SMG9: variants seen among roughly 807,000 people sequenced by gnomAD.
The protein encoded by SMG9 is SMG9 nonsense mediated mRNA decay factor.
In SMG9, 55 loss-of-function variants were observed where a neutral mutation model predicts 64.0. That is an observed-to-expected ratio of 0.86 (90% CI 0.69 to 1.08). The LOEUF (loss-of-function observed/expected upper bound fraction) is 1.08, where lower values mean the gene tolerates loss of function less well. Among genes scored for constraint, SMG9 ranks in the 50% least tolerant of loss-of-function variants. SMG9 has a pLI of 0.00. For synonymous variants in SMG9, 244 were observed against 254.8 expected, an observed-to-expected ratio of 0.96 and a Z score of 0.41; for missense variants, 554 against 681.3, an observed-to-expected ratio of 0.81 and a Z score of 2.08.
At chr19:43,740,341 C>T in intron 6 of SMG9, 123 bp from the exon 7 acceptor site, 1 of 709,626 alleles carries the variant, frequency 1.4e-6, no homozygotes, top group Non-Finnish European at 2.5e-6. Context: ...CTAAGCTTTT[C>T]ATCTGTGGCC....
intron 7 of SMG9, among the ~76,000 whole-genome samples, chr19:43,739,466 A>G (rs1968778590): frequency 6.6e-6 from 1 of 152,180 alleles, no homozygotes; most frequent in Non-Finnish European, 1.5e-5. Context: ...AAGTCCAGAG[A>G]AGAGAGAGAT....
Position 43,742,308 on chromosome 19 carries a change from A to G in SMG9, c.702-2090T>C, listed in dbSNP as rs541536845. Reference sequence around the variant, plus strand: ...AAAAATTAGTTGGGCATGGTGGTGCATACCTGTGGTTCCCAGCTACTCATA... The same window carrying G: ...AAAAATTAGTTGGGCATGGTGGTGCGTACCTGTGGTTCCCAGCTACTCATA... On this transcript the variant is annotated intron_variant, in intron 6 of 13. Coordinates refer to ENST00000270066, the MANE Select transcript of SMG9 (RefSeq NM_019108.4). Among the ~76,000 whole-genome samples the G allele has an allele frequency of 7.2e-5, 11 of 151,984 alleles. 1 individual carries two copies. In the East Asian group the frequency reaches 1.8e-3, roughly 24 times the overall value.
Position 43,731,131 on chromosome 19 carries a change from G to A in SMG9, c.*465C>T. ...CCAGAGCTGCATGGTGGGTAGAGGA[G>A]TAAGTGGAACATAAGAACAGGCTTG... On this transcript the variant is annotated 3_prime_UTR_variant, in exon 14 of 14. Coordinates refer to ENST00000270066, the MANE Select transcript of SMG9 (RefSeq NM_019108.4). The A allele has an allele frequency of 7.1e-6, 7 of 988,582 alleles. No individual in the cohort carries two copies. Among genetic ancestry groups the A allele is most frequent in the Non-Finnish European group, 8.4e-6 (7 of 832,054 alleles). 61.2% of individuals were successfully genotyped at this position (988,582 alleles called of 1,614,324 possible).
Position 43,733,487 on chromosome 19 carries a change from T to C in SMG9, c.1211-35A>G, listed in dbSNP as rs767941382. Reference sequence around the variant, plus strand: ...AAAACGCTTCAGCCTTCAGGTACCATGTTGTGGGTTTGGGGAGTGGGAATT... The same window carrying C: ...AAAACGCTTCAGCCTTCAGGTACCACGTTGTGGGTTTGGGGAGTGGGAATT... On this transcript the variant is annotated intron_variant, in intron 11 of 13. Coordinates refer to ENST00000270066, the MANE Select transcript of SMG9 (RefSeq NM_019108.4). 5 of 1,613,306 alleles carry C rather than the reference T, an allele frequency of 3.1e-6. No individual in the cohort carries two copies. The South Asian group carries it at 3.3e-5, about 11-fold the overall frequency.
chr19:43,747,952 C>T lies in SMG9; in HGVS notation c.225+26G>A, dbSNP rs199978110. ...GGGGCAATCCCTTCCCTAACGGCTC[C>T]CCCTCCTCCCTCCTTCTCTGCTCAC... On this transcript the variant is annotated intron_variant, in intron 3 of 13. Transcript: ENST00000270066. 1,536 of 1,614,148 alleles carry T rather than the reference C, an allele frequency of 9.5e-4. 22 individuals are homozygous for T. In the African/African-American group the frequency reaches 0.019, roughly 20 times the overall value.
rs1221726524 is a variant in SMG9 at position 43,735,696 on chromosome 19, C to A, written c.996-1201G>T. Reference sequence around the variant, plus strand: ...TATGTTATTTTAAAATAATTTTTTACAATAGGTTAAGAGTACATAAACCTG... The same window carrying A: ...TATGTTATTTTAAAATAATTTTTTAAAATAGGTTAAGAGTACATAAACCTG... On this transcript the variant is annotated intron_variant, in intron 9 of 13. Coordinates refer to ENST00000270066, the MANE Select transcript of SMG9 (RefSeq NM_019108.4). 3.4e-5 allele frequency among the ~76,000 whole-genome samples: 5 copies of A among 144,992 alleles called. No homozygotes were observed. The South Asian group carries it at 1.1e-3, about 33-fold the overall frequency.
At chr19:43,740,856 C>G (rs1275645705) in intron 6 of SMG9, among the ~76,000 whole-genome samples, 1 of 152,114 alleles carries the variant, frequency 6.6e-6, no homozygotes, top group Non-Finnish European at 1.5e-5. Context: ...GCAAAGCAGG[C>G]AGAGCAGGGC....
rs1441429796 is a variant in SMG9 at position 43,747,557 on chromosome 19, C to A, written c.491-18G>T. 1 of 1,614,130 alleles carries A rather than the reference C, an allele frequency of 6.2e-7. No individual in the cohort carries two copies. The highest frequency in any genetic ancestry group is 8.5e-7 in the Non-Finnish European group (1 of 1,180,018). ...CACGACAGCTGGAGATTGGAGAAAG[C>A]AGGAGACAGAGGATGCAGTGAGGAT... On this transcript the variant is annotated intron_variant, in intron 4 of 13. Transcript: ENST00000270066.
chr19:43,740,858 G>C (rs1217578186), intron 6 of SMG9, among the ~76,000 whole-genome samples: 1 of 152,160 alleles, frequency 6.6e-6, no homozygotes, highest in African/African-American at 2.4e-5. Flanking sequence ...AAAGCAGGCA[G>C]AGCAGGGCCG....
At chr19:43,750,127 C>T in intron 2 of SMG9, 1 of 520,782 alleles carries the variant, frequency 1.9e-6, no homozygotes, top group Non-Finnish European at 3.8e-6. Flanking sequence ...TCTCCAATGC[C>T]AATTTCACTC....
Position 43,748,015 on chromosome 19 carries a change from T to G in SMG9, c.188A>C (p.Lys63Thr). The G allele has an allele frequency of 6.2e-7, 1 of 1,613,550 alleles. No individual in the cohort carries two copies. The highest frequency in any genetic ancestry group is 8.5e-7 in the Non-Finnish European group (1 of 1,179,780). ...AGGTTTTGAGAGGATGATGGGGGTT[T>G]TCTGCATGACGGAAGTGCTTGTCTC... is the stretch of plus-strand genomic sequence containing the variant. The part of the protein sequence containing the change: ...SEETSTSVMQ[K>T]TPIILSKPPA... Residue 63 changes from lysine (K) to threonine (T), a missense_variant, in exon 3 of 14, where the codon AAA becomes ACA. Coordinates refer to ENST00000270066, the MANE Select transcript of SMG9 (RefSeq NM_019108.4).
Position 43,731,183 on chromosome 19 carries a change from G to A in SMG9, c.*413C>T. The stretch of plus-strand genomic sequence containing the variant: ...ATGACTGTGTTTATTTGAACCACCA[G>A]ATCTGTTCCAATAAAGAGCTCTCCA... On this transcript the variant is annotated 3_prime_UTR_variant, in exon 14 of 14. Coordinates refer to ENST00000270066, the MANE Select transcript of SMG9 (RefSeq NM_019108.4). The A allele has an allele frequency of 2.0e-6, 2 of 1,005,892 alleles. No homozygotes were observed. Among genetic ancestry groups the A allele is most frequent in the African/African-American group, 3.4e-5 (2 of 58,000 alleles). The allele number at this position is 1,005,892 out of a possible 1,614,324, so 62.3% of individuals were successfully genotyped here.
intron 10 of SMG9, chr19:43,734,182 G>A (rs902959195): frequency 3.8e-5 from 22 of 581,992 alleles, no homozygotes; most frequent in Non-Finnish European, 5.8e-5. Flanking sequence ...CAGGGGTCAT[G>A]CCCTCAACTG....
chr19:43,747,550 G>C lies in SMG9; in HGVS notation c.491-11C>G, dbSNP rs1969055070. 1 of 1,614,186 alleles carries C rather than the reference G, an allele frequency of 6.2e-7. No individual in the cohort carries two copies. The highest frequency in any genetic ancestry group is 8.5e-7 in the Non-Finnish European group (1 of 1,180,030). On this transcript the variant is annotated splice_polypyrimidine_tract_variant and intron_variant, in intron 4 of 13. Transcript: ENST00000270066. ...CCTGACCCACGACAGCTGGAGATTG[G>C]AGAAAGCAGGAGACAGAGGATGCAG...
At position 43,747,885 on chromosome 19, in the gene SMG9, G is replaced by A; in HGVS notation, c.238C>T (p.Pro80Ser). The change falls in exon 4 of 14, where the codon CCA becomes TCA. Residue 80 changes from proline to serine, a missense_variant. Coordinates refer to ENST00000270066, the MANE Select transcript of SMG9 (RefSeq NM_019108.4). The part of the protein sequence containing the change: ...KPPAERSKQP[P>S]PPTAPAAPPA... ...GGGGCAGCAGGGGCTGTTGGAGGTG[G>A]TGGCTGTTTTGACTACGGAGGTAAA... 1 of 1,612,190 alleles carries A rather than the reference G, an allele frequency of 6.2e-7. No individual in the cohort carries two copies. The highest frequency in any genetic ancestry group is 8.5e-7 in the Non-Finnish European group (1 of 1,179,036).
chr19:43,751,805 G>A (rs1291991818), intron 1 of SMG9, among the ~76,000 whole-genome samples: 1 of 152,212 alleles, frequency 6.6e-6, no homozygotes, highest in Admixed American at 6.5e-5. Flanking sequence ...AAGACACAAG[G>A]TTGGGGGGTT....
At chr19:43,738,626 A>ACTGGTCACCAGTATGGTGATCACC (rs1414855245) in intron 7 of SMG9, among the ~76,000 whole-genome samples, 22 of 152,224 alleles carry the variant, frequency 1.4e-4, no homozygotes, top group African/African-American at 5.3e-4. Flanking sequence ...CAGTATGTAT[A>ACTGGTCACCAGTATGGTGATCACC]AGAATCAGTG....
chr19:43,748,403 T>C (rs181136099), intron 2 of SMG9, among the ~76,000 whole-genome samples: 116 of 152,350 alleles, frequency 7.6e-4, no homozygotes, highest in Non-Finnish European at 1.4e-3. Context: ...CTGTGTGAAC[T>C]TGAATAAGGA....
intron 1 of SMG9, among the ~76,000 whole-genome samples, chr19:43,752,652 C>T (rs1969223750): frequency 6.6e-6 from 1 of 152,120 alleles, no homozygotes; most frequent in Admixed American, 6.5e-5. Context: ...AATCCCGACA[C>T]TTTGGGAGGC....
Sources: allele counts gnomAD v4.1 joint callset (sites outside exome capture counted in the v4.1 genomes callset), GRCh38; gene constraint gnomAD v4.1.1; transcripts MANE v1.5; gene names NCBI Gene and HGNC (gene_info 2026-07-23, HGNC 2026-07-21).